SEC23IP: variants seen among roughly 807,000 people sequenced by gnomAD.
SEC23IP encodes the protein SEC23 interacting protein.
In SEC23IP, 70 loss-of-function variants were observed where a neutral mutation model predicts 113.4. That is an observed-to-expected ratio of 0.62 (90% CI 0.51 to 0.75). The LOEUF is 0.75. Ranked by LOEUF, SEC23IP falls within the 30% of genes least tolerant of loss-of-function variation. The probability of loss-of-function intolerance (pLI) is 0.00; values close to 1 mark genes in which losing one functional copy is unlikely to be tolerated. For missense variants in SEC23IP, 1,160 were observed against 1,204.9 expected (o/e 0.96, Z 0.55); for synonymous variants, 398 against 421.0 (o/e 0.95, Z 0.67).
intron 5 of SEC23IP, among the ~76,000 whole-genome samples, chr10:119,911,421 G>A (rs991782839): frequency 4.0e-5 from 6 of 151,480 alleles, no homozygotes; most frequent in East Asian, 1.9e-4. Context: ...CCACTGCACC[G>A]GGCCTGTCCT....
At chr10:119,923,050 C>T (rs1855301927) in intron 12 of SEC23IP, among the ~76,000 whole-genome samples, 1 of 151,222 alleles carries the variant, frequency 6.6e-6, no homozygotes, top group African/African-American at 2.4e-5. Flanking sequence ...TGTGTTCAGG[C>T]CCTACACCAT....
chr10:119,932,655 T>C (rs113387347), intron 16 of SEC23IP, among the ~76,000 whole-genome samples: 3 of 152,240 alleles, frequency 2.0e-5, no homozygotes, highest in African/African-American at 4.8e-5. Context: ...AGAGGTTTTC[T>C]TCCTGAAACT....
At chr10:119,912,435 A>G (rs1021009663) in intron 6 of SEC23IP, among the ~76,000 whole-genome samples, 8 of 151,698 alleles carry the variant, frequency 5.3e-5, no homozygotes, top group Non-Finnish European at 1.0e-4. Flanking sequence ...GCCTGGCCAT[A>G]TCTTTCTTTT....
In SEC23IP at chr10:119,917,925, C is replaced by A; in HGVS notation, c.1634C>A (p.Pro545His). ...TLLDILFYNSPTYCQTIVEKV... is the reference protein window; with the variant it reads ...TLLDILFYNSHTYCQTIVEKV... ...CTAGATATTTTATTTTATAACAGCC[C>A]CACCTACTGTCAGACAATTGTGGAA... Residue 545 changes from proline (P) to histidine (H), a missense_variant, in exon 9 of 19, where the codon CCC becomes CAC. Transcript: ENST00000369075. The A allele has an allele frequency of 6.2e-7, 1 of 1,613,824 alleles. No homozygotes were observed. The highest frequency in any genetic ancestry group is 2.2e-5 in the East Asian group (1 of 44,858).
intron 18 of SEC23IP, among the ~76,000 whole-genome samples, chr10:119,937,442 A>G (rs1855831578): frequency 6.6e-6 from 1 of 151,712 alleles, no homozygotes; most frequent in Non-Finnish European, 1.5e-5. Context: ...CCTGGCCAAC[A>G]TGGAGAAACC....
chr10:119,913,090 TC>T (rs1186552976), intron 6 of SEC23IP, among the ~76,000 whole-genome samples: 2 of 152,202 alleles, frequency 1.3e-5, no homozygotes, highest in Non-Finnish European at 2.9e-5. Context: ...CCCCGACCCT[TC>T]CCAGGCTCTG....
At chr10:119,922,408 T>C (rs926356561) in intron 12 of SEC23IP, among the ~76,000 whole-genome samples, 3 of 152,180 alleles carry the variant, frequency 2.0e-5, no homozygotes, top group African/African-American at 7.2e-5. Context: ...CTTATGGCCA[T>C]GAAAGTCATG....
intron 5 of SEC23IP, among the ~76,000 whole-genome samples, chr10:119,911,142 AT>A (rs1414489136): frequency 6.6e-6 from 1 of 150,772 alleles, no homozygotes; most frequent in Non-Finnish European, 1.5e-5. Context: ...TTTTGTCATT[AT>A]GTTTTTGTCA....
chr10:119,913,247 G>A (rs1338068972), intron 6 of SEC23IP, among the ~76,000 whole-genome samples: 1 of 72,948 alleles, frequency 1.4e-5, no homozygotes, highest in Non-Finnish European at 2.7e-5. Flanking sequence ...AATATGTTTT[G>A]TTGTGTGGAG....
At chr10:119,907,419 T>TA (rs1012057562) in intron 4 of SEC23IP, among the ~76,000 whole-genome samples, 3 of 151,866 alleles carry the variant, frequency 2.0e-5, no homozygotes, top group Admixed American at 6.6e-5. Flanking sequence ...TTACTAGTTT[T>TA]AAAAAAAAGA....
chr10:119,898,394 C>T lies in SEC23IP; in HGVS notation c.164-33C>T, dbSNP rs190576967. 1.9e-4 allele frequency: 299 copies of T among 1,582,298 alleles called. 1 individual carries two copies. In the African/African-American group the frequency reaches 3.4e-3, roughly 18 times the overall value. On this transcript the variant is annotated intron_variant, in intron 1 of 18. Transcript: ENST00000369075. ...CGTATCTGCGGAGTGATAGAGTACC[C>T]TTTAAACCACATGCTCTCCTGTTCC...
At chr10:119,906,867 C>G (rs1397728595) in intron 4 of SEC23IP, among the ~76,000 whole-genome samples, 1 of 152,082 alleles carries the variant, frequency 6.6e-6, no homozygotes, top group African/African-American at 2.4e-5. Context: ...TGAGCCACCA[C>G]ACGTGGCCTG....
rs1330683876 is a variant in SEC23IP at position 119,944,337 on chromosome 10, T to C, written c.*3772T>C. 1 of 152,144 alleles carries C rather than the reference T, an allele frequency of 6.6e-6. No homozygotes were observed. Among genetic ancestry groups the C allele is most frequent in the Admixed American group, 6.5e-5 (1 of 15,272 alleles). 9.4% of individuals were successfully genotyped at this position (152,144 alleles called of 1,614,324 possible). Reference sequence around the variant, plus strand: ...CCCCGAGGTTCGTCATGATTGTAAGTTTCCTGAGGTCTCCCCAACCATGCA... The same window carrying C: ...CCCCGAGGTTCGTCATGATTGTAAGCTTCCTGAGGTCTCCCCAACCATGCA... On this transcript the variant is annotated 3_prime_UTR_variant, in exon 19 of 19. Coordinates refer to ENST00000369075, the MANE Select transcript of SEC23IP (RefSeq NM_007190.4).
intron 13 of SEC23IP, 111 bp downstream of exon 13, chr10:119,926,338 T>A: frequency 8.8e-7 from 1 of 1,135,482 alleles, no homozygotes; most frequent in Non-Finnish European, 1.2e-6. Flanking sequence ...ATTTGTGATG[T>A]GGAAAAAACT....
At chr10:119,925,061 G>A (rs1855375158) in intron 12 of SEC23IP, among the ~76,000 whole-genome samples, 1 of 152,216 alleles carries the variant, frequency 6.6e-6, no homozygotes, top group Non-Finnish European at 1.5e-5. Flanking sequence ...ACAGGCATGA[G>A]CCACTGTGCT....
In SEC23IP at chr10:119,930,342, C is replaced by T; in HGVS notation, c.2483C>T (p.Ala828Val). Residue 828 changes from alanine (A) to valine (V), a missense_variant, in exon 15 of 19, where the codon GCA becomes GTA. Physicochemically the swap from Ala to Val is moderately conservative, Grantham distance 64. Coordinates refer to ENST00000369075, the MANE Select transcript of SEC23IP (RefSeq NM_007190.4). ...TTCTATTTATAGCTTGATCCAGTGG[C>T]ATATAGATTAGAACCTATGATTGTT... ...FNIYHPLDPV[A>V]YRLEPMIVPD... is the part of the protein sequence containing the mutation. The T allele has an allele frequency of 1.3e-6, 2 of 1,591,064 alleles. No individual in the cohort carries two copies. The highest frequency in any genetic ancestry group is 1.7e-6 in the Non-Finnish European group (2 of 1,163,126).
Position 119,898,806 on chromosome 10 carries a change from T to C in SEC23IP, c.543T>C (p.Asn181=). The stretch of plus-strand genomic sequence containing the variant: ...AAGGAATTCCCCAACCAGGATACAA[T>C]CCATATCGCCATACCCCTGGCAGCA... ...QPQGIPQPGY[N]PYRHTPGSSR... Residue 181 remains asparagine (N), a synonymous_variant, in exon 2 of 19, where the codon AAT becomes AAC. Transcript: ENST00000369075. 1 of 1,614,122 alleles carries C rather than the reference T, an allele frequency of 6.2e-7. No homozygotes were observed. The highest frequency in any genetic ancestry group is 8.5e-7 in the Non-Finnish European group (1 of 1,180,030).
chr10:119,898,424 C>T lies in SEC23IP; in HGVS notation c.164-3C>T, dbSNP rs776340009. ...AACCACATGCTCTCCTGTTCCATTT[C>T]AGAGGATTCCACAGATGTTGGTGAG... On this transcript the variant is annotated splice_polypyrimidine_tract_variant and splice_region_variant and intron_variant, in intron 1 of 18. Transcript: ENST00000369075. 1.9e-6 allele frequency: 3 copies of T among 1,606,986 alleles called. No homozygotes were observed. Among genetic ancestry groups the T allele is most frequent in the Non-Finnish European group, 2.6e-6 (3 of 1,176,032 alleles).
Position 119,898,485 on chromosome 10 carries a change from A to G in SEC23IP, c.222A>G (p.Thr74=), listed in dbSNP as rs2134451719. ...TCCTTGGTCAGACTTCTATTCACAC[A>G]TCTGCCCCACAGACATTTAGTTACT... ...DSFLGQTSIH[T]SAPQTFSYFS... Residue 74 remains threonine, a synonymous_variant, in exon 2 of 19, where the codon ACA becomes ACG. Coordinates refer to ENST00000369075, the MANE Select transcript of SEC23IP (RefSeq NM_007190.4). 1 of 1,614,122 alleles carries G rather than the reference A, an allele frequency of 6.2e-7. No individual in the cohort carries two copies. Among genetic ancestry groups the G allele is most frequent in the South Asian group, 1.1e-5 (1 of 91,074 alleles).
Sources: gnomAD v4.1 joint callset for allele counts (sites outside exome capture counted in the v4.1 genomes callset) on GRCh38, gnomAD v4.1.1 for gene constraint, MANE v1.5 for transcripts, NCBI Gene and HGNC (gene_info 2026-07-23, HGNC 2026-07-21) for gene names.